Variants in DOCK8 observed in about 807,000 individuals in gnomAD.
The protein encoded by DOCK8 is dedicator of cytokinesis 8.
A neutral mutation model predicts 245.6 loss-of-function variants in DOCK8; 141 were observed. The ratio of observed to expected loss-of-function variants is 0.57; its 90% CI spans 0.50 to 0.66. DOCK8 has a LOEUF of 0.66. DOCK8 is among the 30% of genes least tolerant of loss of function. The probability of loss-of-function intolerance (pLI) is 0.00; values close to 1 mark genes in which losing one functional copy is unlikely to be tolerated. For missense variants in DOCK8, 2,965 were observed against 2,603.4 expected (o/e 1.14, Z -3.02); for synonymous variants, 1,168 against 970.2 (o/e 1.20, Z -3.79).
At chr9:227,630 C>A (rs115690825) in intron 1 of DOCK8, among the ~76,000 whole-genome samples, 58 of 152,272 alleles carry the variant, frequency 3.8e-4, no homozygotes, top group African/African-American at 1.2e-3. Context: ...CCCACCCTAA[C>A]ACAGATGAAC....
intron 20 of DOCK8, among the ~76,000 whole-genome samples, chr9:379,447 G>A (rs368892813): frequency 4.6e-5 from 7 of 152,284 alleles, no homozygotes; most frequent in South Asian, 2.1e-4. Flanking sequence ...GATAGTGGTC[G>A]TGTGTGTCCG....
At chr9:437,871 G>C (rs573342176) in intron 39 of DOCK8, among the ~76,000 whole-genome samples, 1 of 152,226 alleles carries the variant, frequency 6.6e-6, no homozygotes, top group Admixed American at 6.5e-5. Context: ...AGCCAAGAAA[G>C]TCTGCAGAAT....
chr9:254,629 G>C (rs1410178171), intron 1 of DOCK8, among the ~76,000 whole-genome samples: 2 of 152,110 alleles, frequency 1.3e-5, no homozygotes, highest in Admixed American at 6.5e-5. Flanking sequence ...CCTGCATTAT[G>C]GATAAATCAT....
chr9:238,576 C>T (rs1010907883), intron 1 of DOCK8, among the ~76,000 whole-genome samples: 4 of 152,146 alleles, frequency 2.6e-5, no homozygotes, highest in African/African-American at 9.7e-5. Context: ...ATGGTAAGTC[C>T]TCACTTAATG....
chr9:328,134 T>C lies in DOCK8; in HGVS notation c.1007T>C (p.Val336Ala). The change falls in exon 9 of 48, where the codon GTC (valine) becomes GCC (alanine). Residue 336 changes from valine to alanine, a missense_variant. This residue lies in a region of DOCK8 where 2,825 missense variants were observed against 2,453.5 expected (regional missense o/e 1.15). Coordinates refer to ENST00000432829, the MANE Select transcript of DOCK8 (RefSeq NM_203447.4). ...CAGGCGAGATCTGCAGTCTTCTCAG[T>C]CACCTACCCGTCCTCAGACATCTAC... is the stretch of plus-strand genomic sequence containing the variant. ...SSQARSAVFS[V>A]TYPSSDIYLV... The C allele has an allele frequency of 6.2e-7, 1 of 1,614,176 alleles. No homozygotes were observed. Among genetic ancestry groups the C allele is most frequent in the African/African-American group, 1.3e-5 (1 of 75,066 alleles).
At chr9:293,575 C>A (rs2049134481) in intron 4 of DOCK8, among the ~76,000 whole-genome samples, 1 of 152,338 alleles carries the variant, frequency 6.6e-6, no homozygotes, top group South Asian at 2.1e-4. Flanking sequence ...TGACCAGGGA[C>A]TCGTGGGCAG....
At chr9:381,595 G>C (rs2053722357) in intron 21 of DOCK8, among the ~76,000 whole-genome samples, 1 of 152,144 alleles carries the variant, frequency 6.6e-6, no homozygotes, top group Non-Finnish European at 1.5e-5. Context: ...AAATAAACAT[G>C]ACACTTTTGT....
chr9:400,748 T>TCCACCA, intron 26 of DOCK8, among the ~76,000 whole-genome samples: 2 of 16,736 alleles, frequency 1.2e-4, no homozygotes, highest in Non-Finnish European at 2.1e-4. Context: ...CACCAGCATC[T>TCCACCA]TCACCATCAC....
At chr9:296,848 C>G (rs1034444910) in intron 4 of DOCK8, among the ~76,000 whole-genome samples, 2 of 152,160 alleles carry the variant, frequency 1.3e-5, no homozygotes, top group African/African-American at 4.8e-5. Context: ...ACTCCCTCCC[C>G]ACAAATCCAA....
At position 430,011 on chromosome 9, in the gene DOCK8, C is replaced by T. The variant is rs576835704; in HGVS notation, c.4626+157C>T. Reference sequence around the variant, plus strand: ...GAGTATGTAGATAGATAGCAGCTTCCATTTTAATTTGCATCTAAAAGTGAA... The same window carrying T: ...GAGTATGTAGATAGATAGCAGCTTCTATTTTAATTTGCATCTAAAAGTGAA... On this transcript the variant is annotated intron_variant, in intron 36 of 47. Coordinates refer to ENST00000432829, the MANE Select transcript of DOCK8 (RefSeq NM_203447.4). Among the ~76,000 whole-genome samples, 3 of 152,340 alleles carry T rather than the reference C, an allele frequency of 2.0e-5. No homozygotes were observed. The South Asian group carries it at 6.2e-4, about 32-fold the overall frequency.
Position 399,220 on chromosome 9 carries a change from G to C in DOCK8, c.3195G>C (p.Arg1065=), listed in dbSNP as rs781062154. Residue 1065 remains arginine, a synonymous_variant, in exon 26 of 48, where the codon CGG becomes CGC. Coordinates refer to ENST00000432829, the MANE Select transcript of DOCK8 (RefSeq NM_203447.4). ...FLYDLLSLMD[R]GFVFNLIRHY... ...ATGACCTTCTCTCCCTCATGGATCG[G>C]GGCTTTGTGTTTAACCTCATCAGAC... 1 of 1,613,944 alleles carries C rather than the reference G, an allele frequency of 6.2e-7. No individual in the cohort carries two copies. Among genetic ancestry groups the C allele is most frequent in the Non-Finnish European group, 8.5e-7 (1 of 1,179,976 alleles).
chr9:420,511 T>C lies in DOCK8; in HGVS notation c.3951T>C (p.Ala1317=), dbSNP rs1254991805. 6.2e-7 allele frequency: 1 copy of C among 1,614,218 alleles called. No homozygotes were observed. Among genetic ancestry groups the C allele is most frequent in the South Asian group, 1.1e-5 (1 of 91,080 alleles). The change falls in exon 31 of 48, where the codon GCT becomes GCC. Residue 1317 remains alanine (A), a synonymous_variant. Transcript: ENST00000432829. ...ADQSLIRKWI[A]DLPSTQLNRI... ...AGAGCCTCATTAGGAAGTGGATTGC[T>C]GACCTGCCATCAACGCAGCTCAACA...
At chr9:238,965 C>G (rs189819730) in intron 1 of DOCK8, among the ~76,000 whole-genome samples, 1 of 152,038 alleles carries the variant, frequency 6.6e-6, no homozygotes, top group Non-Finnish European at 1.5e-5. Flanking sequence ...CTCACTGGGA[C>G]CATTTAGACA....
chr9:230,305 G>GTT (rs1379622005), intron 1 of DOCK8, among the ~76,000 whole-genome samples: 6 of 151,764 alleles, frequency 4.0e-5, no homozygotes, highest in African/African-American at 1.5e-4. Flanking sequence ...GTCTATCGTT[G>GTT]GGCATTTGGG....
intron 6 of DOCK8, among the ~76,000 whole-genome samples, chr9:313,112 G>A (rs564994074): frequency 3.3e-5 from 5 of 152,284 alleles, no homozygotes; most frequent in African/African-American, 1.2e-4. Flanking sequence ...GGTCAGCAAG[G>A]AGGACAATAA....
chr9:224,509 C>T (rs776011127), intron 1 of DOCK8, among the ~76,000 whole-genome samples: 2 of 152,120 alleles, frequency 1.3e-5, no homozygotes, highest in Non-Finnish European at 2.9e-5. Context: ...TTGACTCTCT[C>T]GTTTGCTCAG....
intron 15 of DOCK8, 49 bp downstream of exon 15, chr9:368,184 C>T (rs1418280394): frequency 1.2e-5 from 17 of 1,466,086 alleles, no homozygotes; most frequent in Non-Finnish European, 1.5e-5. Flanking sequence ...GGCTGCTCAC[C>T]CCTGTCACTT....
At chr9:301,052 C>G (rs937397796) in intron 4 of DOCK8, among the ~76,000 whole-genome samples, 1 of 152,192 alleles carries the variant, frequency 6.6e-6, no homozygotes, top group Non-Finnish European at 1.5e-5. Flanking sequence ...AAGAAAACTT[C>G]AGGCCAATAT....
intron 24 of DOCK8, 52 bp from the exon 25 acceptor site, chr9:396,733 A>G: frequency 1.2e-6 from 2 of 1,610,942 alleles, no homozygotes; most frequent in Non-Finnish European, 1.7e-6. Flanking sequence ...TCTGCATTGT[A>G]CAAGCAGGTC....
Sources: allele counts gnomAD v4.1 joint callset (sites outside exome capture counted in the v4.1 genomes callset), GRCh38; gene constraint gnomAD v4.1.1; regional missense constraint gnomAD v4.1.1; transcripts MANE v1.5; gene names NCBI Gene and HGNC (gene_info 2026-07-23, HGNC 2026-07-21).